ZC3H7B: variants seen among roughly 807,000 people sequenced by gnomAD.
ZC3H7B encodes the protein zinc finger CCCH domain-containing protein 7B.
A neutral mutation model predicts 116.0 loss-of-function variants in ZC3H7B; 35 were observed. That is an observed-to-expected ratio of 0.30 (90% CI 0.23 to 0.40). ZC3H7B has a LOEUF of 0.40. ZC3H7B is among the 10% of genes least tolerant of loss of function. The pLI, the probability that ZC3H7B is intolerant of heterozygous loss-of-function variation, is 1.00. For missense variants in ZC3H7B, 1,011 were observed against 1,321.5 expected (o/e 0.77, Z 3.64); for synonymous variants, 502 against 545.6 (o/e 0.92, Z 1.11).
rs1033998097 is a variant in ZC3H7B at position 41,325,461 on chromosome 22, C to T, written c.54-103C>T. 1.5e-5 allele frequency: 22 copies of T among 1,478,590 alleles called. No homozygotes were observed. The East Asian group carries it at 2.4e-4, about 16-fold the overall frequency. 91.6% of individuals were successfully genotyped at this position (1,478,590 alleles called of 1,614,324 possible). A position where few individuals can be genotyped will look rare whatever the true frequency, so the allele number is the denominator to read the frequency against. On this transcript the variant is annotated intron_variant, in intron 2 of 22. Transcript: ENST00000352645. ...AAACCGCAGTCTGTTCACCCTAGTC[C>T]ACAAGGTGATGGCTGAGGTCTGAGT...
Position 41,357,608 on chromosome 22 carries a change from C to T in ZC3H7B, c.*179C>T, listed in dbSNP as rs1273329929. The T allele has an allele frequency of 3.4e-5, 30 of 882,102 alleles. No homozygotes were observed. Among genetic ancestry groups the T allele is most frequent in the South Asian group, 2.3e-4 (13 of 55,602 alleles). The allele number at this position is 882,102 out of a possible 1,614,324, so 54.6% of individuals were successfully genotyped here. On this transcript the variant is annotated 3_prime_UTR_variant, in exon 23 of 23. Transcript: ENST00000352645. This position sits in a 1 kb window ranked among gnomAD's most constrained non-coding sequence, Gnocchi z 5.4. ...CACCGCCCCGGTGTGCGTACCCAGG[C>T]GCACGTGCTGCAGCCCCCGGAGGCC...
At position 41,357,669 on chromosome 22, in the gene ZC3H7B, CG is replaced by C; in HGVS notation, c.*242del. 1.7e-6 allele frequency: 1 copy of C among 586,376 alleles called. No individual in the cohort carries two copies. Among genetic ancestry groups the C allele is most frequent in the Non-Finnish European group, 3.0e-6 (1 of 335,836 alleles). The allele number at this position is 586,376 out of a possible 1,614,324, so 36.3% of individuals were successfully genotyped here. ...CTGGGCTGCCCTTCCCCCACCCCCA[CG>C]GCTCTCCTGGTTGAGGAGGGAGGGG... On this transcript the variant is annotated 3_prime_UTR_variant, in exon 23 of 23. Coordinates refer to ENST00000352645, the MANE Select transcript of ZC3H7B (RefSeq NM_017590.6). This position sits in a 1 kb window ranked among gnomAD's most constrained non-coding sequence, Gnocchi z 5.4.
intron 3 of ZC3H7B, 39 bp downstream of exon 3, chr22:41,325,636 G>A (rs370673317): frequency 6.0e-5 from 97 of 1,610,310 alleles, no homozygotes; most frequent in Admixed American, 1.0e-4. Flanking sequence ...GGTGAAGGGC[G>A]GAGATGTGCA....
chr22:41,340,124 T>C lies in ZC3H7B; in HGVS notation c.1125T>C (p.Pro375=). The part of the protein sequence containing the change: ...FGSTRGSLDK[P]DSFMEETNSQ... ...CGACACGAGGCTCCCTGGACAAACC[T>C]GACTCCTTCATGGGTAAGGCCATGG... Residue 375 remains proline, a synonymous_variant, in exon 10 of 23, where the codon CCT becomes CCC. Coordinates refer to ENST00000352645, the MANE Select transcript of ZC3H7B (RefSeq NM_017590.6). The C allele has an allele frequency of 6.2e-7, 1 of 1,605,472 alleles. No homozygotes were observed.
At chr22:41,315,117 T>C (rs2036165037) in intron 1 of ZC3H7B, among the ~76,000 whole-genome samples, 1 of 151,730 alleles carries the variant, frequency 6.6e-6, no homozygotes, top group African/African-American at 2.4e-5. Flanking sequence ...AGGGTCTCAC[T>C]CAGTTGCCCA....
At chr22:41,343,946 G>C (rs1420973087) in intron 13 of ZC3H7B, among the ~76,000 whole-genome samples, 4 of 152,168 alleles carry the variant, frequency 2.6e-5, no homozygotes, top group Non-Finnish European at 5.9e-5. Flanking sequence ...GCCACATGAA[G>C]CATTTAGGAC....
At position 41,321,388 on chromosome 22, in the gene ZC3H7B, G is replaced by C. The variant is rs575195162; in HGVS notation, c.53+675G>C. On this transcript the variant is annotated intron_variant, in intron 2 of 22. Transcript: ENST00000352645. Reference sequence around the variant, plus strand: ...GTGCCACCATGCCTGGCTAATTTTTGTATTTTTAGTAGAGATGGGGTTTTG... The same window carrying C: ...GTGCCACCATGCCTGGCTAATTTTTCTATTTTTAGTAGAGATGGGGTTTTG... Among the ~76,000 whole-genome samples the C allele has an allele frequency of 1.1e-4, 17 of 151,968 alleles. No homozygotes were observed. The South Asian group carries it at 3.5e-3, about 32-fold the overall frequency.
At chr22:41,350,361 G>A (rs2036640752) in intron 16 of ZC3H7B, among the ~76,000 whole-genome samples, 1 of 152,194 alleles carries the variant, frequency 6.6e-6, no homozygotes, top group African/African-American at 2.4e-5. Flanking sequence ...AGTGTCTGGA[G>A]GAGGGTTTTA....
chr22:41,333,019 G>C (rs533397026), intron 7 of ZC3H7B: 1 of 152,434 alleles, frequency 6.6e-6, no homozygotes, highest in African/African-American at 2.4e-5. Flanking sequence ...TGCTCAGGTA[G>C]ACTTTGAGGC....
At position 41,349,268 on chromosome 22, in the gene ZC3H7B, G is replaced by A. The variant is rs1463177247; in HGVS notation, c.1915G>A (p.Glu639Lys). Residue 639 changes from glutamate (E) to lysine (K), a missense_variant, in exon 16 of 23, where the codon GAG becomes AAG. Transcript: ENST00000352645. This position sits in a 1 kb window ranked among gnomAD's most constrained non-coding sequence, Gnocchi z 4.9. ...DSCHFAHSFI[E>K]LKVWLLQQYS... ...CTGCCACTTCGCCCACAGCTTCATC[G>A]AGCTCAAGGTCTGGCTGCTGCAGCA... 1 of 1,613,596 alleles carries A rather than the reference G, an allele frequency of 6.2e-7. No individual in the cohort carries two copies.
Position 41,346,160 on chromosome 22 carries a change from C to A in ZC3H7B, c.1617C>A (p.Ile539=). 1 of 1,612,576 alleles carries A rather than the reference C, an allele frequency of 6.2e-7. No individual in the cohort carries two copies. The highest frequency in any genetic ancestry group is 8.5e-7 in the Non-Finnish European group (1 of 1,179,968). The change falls in exon 14 of 23, where the codon ATC becomes ATA. Residue 539 remains isoleucine, a synonymous_variant. Coordinates refer to ENST00000352645, the MANE Select transcript of ZC3H7B (RefSeq NM_017590.6). The surrounding 1 kb of genome is among the most constrained non-coding windows in gnomAD (Gnocchi z 5.3). ...GTGTTAAGCGCGGCAGCCTCACCAT[C>A]GCCAAGCTCCTGAAGGAGCACCAGG... ...LGGVKRGSLT[I]AKLLKEHQGI... is the part of the protein sequence containing the mutation.
chr22:41,347,190 C>T (rs1425344120), intron 14 of ZC3H7B, among the ~76,000 whole-genome samples: 2 of 152,312 alleles, frequency 1.3e-5, no homozygotes, highest in Middle Eastern at 6.8e-3. Context: ...ACAGCCAAAC[C>T]CCCAGGACAC....
Position 41,346,352 on chromosome 22 carries a change from G to C in ZC3H7B, c.1665+144G>C. ...GGTCTTAGAACCAGTAGGTCCTGGA[G>C]GGTCAGTAAGTCTGGGCCCTAGGAT... is the stretch of plus-strand genomic sequence containing the variant. On this transcript the variant is annotated intron_variant, in intron 14 of 22. Transcript: ENST00000352645. The surrounding 1 kb of genome is among the most constrained non-coding windows in gnomAD (Gnocchi z 5.3). 1 of 844,210 alleles carries C rather than the reference G, an allele frequency of 1.2e-6. No homozygotes were observed. The highest frequency in any genetic ancestry group is 1.7e-5 in the South Asian group (1 of 59,266). The allele number at this position is 844,210 out of a possible 1,614,324, so 52.3% of individuals were successfully genotyped here.
In ZC3H7B at chr22:41,346,689, G is replaced by A. The variant is rs1470872330; in HGVS notation, c.1665+481G>A. Among the ~76,000 whole-genome samples the A allele has an allele frequency of 2.0e-5, 3 of 152,142 alleles. No individual in the cohort carries two copies. Among genetic ancestry groups the A allele is most frequent in the Admixed American group, 2.0e-4 (3 of 15,274 alleles). Reference sequence around the variant, plus strand: ...AAATTAGCTGGGCGTTGTGGTGCACGCCTGTAGTCCCAGCTAGTTGGGAGG... The same window carrying A: ...AAATTAGCTGGGCGTTGTGGTGCACACCTGTAGTCCCAGCTAGTTGGGAGG... On this transcript the variant is annotated intron_variant, in intron 14 of 22. Coordinates refer to ENST00000352645, the MANE Select transcript of ZC3H7B (RefSeq NM_017590.6). The surrounding 1 kb of genome is among the most constrained non-coding windows in gnomAD (Gnocchi z 5.3).
chr22:41,354,192 C>G (rs745373378), intron 17 of ZC3H7B, among the ~76,000 whole-genome samples: 1 of 152,202 alleles, frequency 6.6e-6, no homozygotes, highest in Non-Finnish European at 1.5e-5. Context: ...ACCATACCCT[C>G]GGTGCCCCCT....
chr22:41,314,636 G>A (rs2036158042), intron 1 of ZC3H7B, among the ~76,000 whole-genome samples: 1 of 149,058 alleles, frequency 6.7e-6, no homozygotes, highest in Non-Finnish European at 1.5e-5. Flanking sequence ...TTGAGACGGA[G>A]TCTTGCTTTG....
At chr22:41,305,297 C>G (rs970685102) in intron 1 of ZC3H7B, among the ~76,000 whole-genome samples, 1 of 150,170 alleles carries the variant, frequency 6.7e-6, no homozygotes, top group Admixed American at 6.7e-5. Flanking sequence ...GTGAGCCGAG[C>G]GCTCCACTGC....
chr22:41,341,637 C>T (rs1268263694), intron 11 of ZC3H7B, among the ~76,000 whole-genome samples: 3 of 151,638 alleles, frequency 2.0e-5, no homozygotes, highest in Non-Finnish European at 2.9e-5. Context: ...CAGCTACTCG[C>T]GAGGCTGAGG....
At chr22:41,322,007 T>C (rs550359133) in intron 2 of ZC3H7B, among the ~76,000 whole-genome samples, 173 of 148,310 alleles carry the variant, frequency 1.2e-3, no homozygotes, top group Middle Eastern at 3.5e-3. Context: ...GCCCGGCTAA[T>C]TTTTTGTATT....
Sources: allele counts gnomAD v4.1 joint callset (sites outside exome capture counted in the v4.1 genomes callset), GRCh38; gene constraint gnomAD v4.1.1; non-coding constraint Gnocchi (gnomAD v3.1); transcripts MANE v1.5; gene names NCBI Gene and HGNC (gene_info 2026-07-23, HGNC 2026-07-21).